The following PAM variants were observed in gnomAD, a reference collection of about 807,000 sequenced individuals.
The protein encoded by PAM is peptidylglycine alpha-amidating monooxygenase.
Under a neutral mutation model 122.1 loss-of-function variants are expected in PAM, and 72 were observed. The observed-to-expected ratio is 0.59, with a 90% CI of 0.49 to 0.72. The LOEUF is 0.72. PAM is among the 30% of genes least tolerant of loss of function. The pLI is 0.00. For missense variants in PAM, 1,106 were observed against 1,183.7 expected, an observed-to-expected ratio of 0.93 and a Z score of 0.96; for synonymous variants, 389 against 404.4, an observed-to-expected ratio of 0.96 and a Z score of 0.46.
At chr5:102,943,853 C>T (rs66505956) in intron 7 of PAM, among the ~76,000 whole-genome samples, 53,366 of 152,014 alleles carry the variant, frequency 0.35, 9,764 homozygotes, top group African/African-American at 0.45. Flanking sequence ...AAAGGCAAGC[C>T]CAGACCCTTG....
chr5:102,983,518 A>G (rs1012441673), intron 15 of PAM, among the ~76,000 whole-genome samples: 2 of 152,030 alleles, frequency 1.3e-5, no homozygotes, highest in African/African-American at 2.4e-5. Flanking sequence ...CCTATGTAAT[A>G]TGATATATAG....
At chr5:102,829,922 A>C (rs1198381067) in intron 1 of PAM, among the ~76,000 whole-genome samples, 1 of 152,134 alleles carries the variant, frequency 6.6e-6, no homozygotes, top group Non-Finnish European at 1.5e-5. Context: ...TCTGTATATG[A>C]CCTTTAAAAA....
chr5:102,858,894 G>A (rs1013199422), intron 1 of PAM, among the ~76,000 whole-genome samples: 1 of 152,092 alleles, frequency 6.6e-6, no homozygotes, highest in Non-Finnish European at 1.5e-5. Context: ...ATGTGATGGT[G>A]GTCCCATAAG....
chr5:102,948,810 C>A (rs779602318), intron 9 of PAM, among the ~76,000 whole-genome samples: 12 of 152,006 alleles, frequency 7.9e-5, no homozygotes, highest in Non-Finnish European at 1.8e-4. Context: ...AAAAATTAAA[C>A]GACTAGCAAA....
At chr5:102,978,651 A>G (rs937473913) in intron 15 of PAM, among the ~76,000 whole-genome samples, 2 of 152,148 alleles carry the variant, frequency 1.3e-5, no homozygotes, top group Non-Finnish European at 2.9e-5. Context: ...AAGGTGTTCA[A>G]TTATTCTTAT....
intron 3 of PAM, chr5:102,873,543 A>T (rs2151032527): frequency 6.6e-6 from 1 of 152,468 alleles, no homozygotes; most frequent in South Asian, 2.1e-4. Flanking sequence ...TAGTGCTGTG[A>T]TCTGTCCACC....
intron 1 of PAM, among the ~76,000 whole-genome samples, chr5:102,789,145 A>G (rs1003913053): frequency 2.0e-5 from 3 of 152,154 alleles, no homozygotes; most frequent in African/African-American, 7.2e-5. Context: ...GTGGTGAAAG[A>G]TAATGAAATA....
chr5:102,933,123 T>C (rs1752143426), intron 7 of PAM, among the ~76,000 whole-genome samples: 2 of 152,156 alleles, frequency 1.3e-5, no homozygotes, highest in African/African-American at 4.8e-5. Context: ...AGAGAGGGGA[T>C]TGGAAAGCAG....
intron 15 of PAM, among the ~76,000 whole-genome samples, chr5:102,979,718 A>G (rs971148131): frequency 6.6e-5 from 10 of 152,130 alleles, no homozygotes; most frequent in African/African-American, 2.2e-4. Context: ...GTGATCACTA[A>G]TATTAATCTC....
intron 1 of PAM, among the ~76,000 whole-genome samples, chr5:102,838,851 T>TA (rs1384551061): frequency 6.6e-6 from 1 of 152,184 alleles, no homozygotes; most frequent in African/African-American, 2.4e-5. Context: ...AAATATTCTT[T>TA]AATATGGAGA....
intron 1 of PAM, among the ~76,000 whole-genome samples, chr5:102,773,992 T>C (rs1343659067): frequency 2.0e-5 from 3 of 152,134 alleles, no homozygotes; most frequent in Admixed American, 2.0e-4. Context: ...CCTGCATTAG[T>C]TTGGTAAGGT....
In PAM at chr5:102,758,307, C is replaced by T. The variant is rs563606186; in HGVS notation, c.-374+2959C>T. Among the ~76,000 whole-genome samples, 8 of 152,016 alleles carry T rather than the reference C, an allele frequency of 5.3e-5. No individual in the cohort carries two copies. In the South Asian group the frequency reaches 1.2e-3, roughly 24 times the overall value. ...CTTTGAGGCTTTGATTGGACTCTCA[C>T]ATTAAGGCATGGCAGGCTGAGGGGC... On this transcript the variant is annotated intron_variant, in intron 1 of 25. Transcript: ENST00000438793.
intron 1 of PAM, among the ~76,000 whole-genome samples, chr5:102,855,761 T>A (rs1782468454): frequency 1.3e-5 from 2 of 152,094 alleles, no homozygotes; most frequent in Admixed American, 1.3e-4. Flanking sequence ...GTTGATTGAT[T>A]GCAAGAAAAA....
chr5:102,830,397 ACAGGTCAGGG>A (rs1352412994), intron 1 of PAM, among the ~76,000 whole-genome samples: 5 of 152,240 alleles, frequency 3.3e-5, no homozygotes, highest in Admixed American at 1.3e-4. Flanking sequence ...ACTACTTTAT[ACAGGTCAGGG>A]CATCTCACCA....
intron 3 of PAM, among the ~76,000 whole-genome samples, chr5:102,898,675 G>A (rs1043886282): frequency 2.0e-5 from 3 of 151,238 alleles, no homozygotes; most frequent in African/African-American, 7.3e-5. Flanking sequence ...TAGGGTACTT[G>A]GACTAAAACT....
chr5:102,817,385 C>G (rs765707401), intron 1 of PAM, among the ~76,000 whole-genome samples: 5 of 151,682 alleles, frequency 3.3e-5, no homozygotes, highest in Non-Finnish European at 7.4e-5. Context: ...AAAATATGCT[C>G]AAAATGTGAA....
rs540618352 is a variant in PAM at position 102,854,043 on chromosome 5, G to C, written c.-373-11780G>C. 1.6e-4 allele frequency among the ~76,000 whole-genome samples: 25 copies of C among 152,312 alleles called. No homozygotes were observed. The South Asian group carries it at 1.9e-3, about 11-fold the overall frequency. On this transcript the variant is annotated intron_variant, in intron 1 of 25. Coordinates refer to ENST00000438793, the MANE Select transcript of PAM (RefSeq NM_001177306.2). ...AGATCCTGCCTTGAAGGCAGCCAAA[G>C]TTGCGGTTCAGTCCCTGCCCCACTA... is the stretch of plus-strand genomic sequence containing the variant.
intron 1 of PAM, among the ~76,000 whole-genome samples, chr5:102,778,666 A>G (rs1469613519): frequency 6.6e-6 from 1 of 152,150 alleles, no homozygotes; most frequent in African/African-American, 2.4e-5. Context: ...ATCTTACCAA[A>G]TTAGAAACCT....
intron 3 of PAM, among the ~76,000 whole-genome samples, 195 bp downstream of exon 3, chr5:102,867,588 G>T (rs1412904616): frequency 6.6e-6 from 1 of 152,056 alleles, no homozygotes; most frequent in African/African-American, 2.4e-5. Flanking sequence ...CTTAAATTTT[G>T]TTTTTAAAAT....
Sources: gnomAD v4.1 joint callset for allele counts (sites outside exome capture counted in the v4.1 genomes callset) on GRCh38, gnomAD v4.1.1 for gene constraint, MANE v1.5 for transcripts, NCBI Gene and HGNC (gene_info 2026-07-23, HGNC 2026-07-21) for gene names.